INPP5F: variants seen among roughly 807,000 people sequenced by gnomAD.
INPP5F encodes phosphatidylinositide 4-phosphatase SAC2.
INPP5F carries 97 observed loss-of-function variants against 137.2 expected under a neutral mutation model. The ratio of observed to expected loss-of-function variants is 0.71; its 90% CI spans 0.60 to 0.84. The LOEUF is 0.84. Among genes scored for constraint, INPP5F ranks in the 40% least tolerant of loss-of-function variants. INPP5F has a pLI of 0.00. For missense variants in INPP5F, 1,271 were observed against 1,371.9 expected, an observed-to-expected ratio of 0.93 and a Z score of 1.16; for synonymous variants, 504 against 476.9, an observed-to-expected ratio of 1.06 and a Z score of -0.74.
At chr10:119,795,312 C>T (rs1333866832) in intron 6 of INPP5F, among the ~76,000 whole-genome samples, 2 of 152,130 alleles carry the variant, frequency 1.3e-5, no homozygotes, top group African/African-American at 4.8e-5. Context: ...ACGCTCCTCA[C>T]TTCCCAGACG....
At position 119,827,654 on chromosome 10, in the gene INPP5F, T is replaced by C. The variant is rs149854387; in HGVS notation, c.3273T>C (p.His1091=). ...VASITQAGLT[H]GINFAVSKVQ... ...GTATTACCCAAGCTGGATTAACCCA[T>C]GGGATAAACTTTGCAGTGTCAAAAG... The change falls in exon 20 of 20, where the codon CAT becomes CAC. Residue 1091 remains histidine, a synonymous_variant. Coordinates refer to ENST00000650623, the MANE Select transcript of INPP5F (RefSeq NM_014937.4). 4.6e-4 allele frequency: 746 copies of C among 1,614,130 alleles called. 5 individuals carry two copies. In the African/African-American group the frequency reaches 8.8e-3, roughly 19 times the overall value.
chr10:119,763,206 T>C (rs1305246944), intron 2 of INPP5F, among the ~76,000 whole-genome samples: 1 of 152,224 alleles, frequency 6.6e-6, no homozygotes, highest in African/African-American at 2.4e-5. Context: ...TAATCTTCAC[T>C]GAGTCCATGT....
In INPP5F at chr10:119,781,616, T is replaced by C; in HGVS notation, c.179-19T>C. 6.3e-7 allele frequency: 1 copy of C among 1,594,342 alleles called. No individual in the cohort carries two copies. Among genetic ancestry groups the C allele is most frequent in the South Asian group, 1.1e-5 (1 of 87,378 alleles). On this transcript the variant is annotated intron_variant, in intron 2 of 19. Coordinates refer to ENST00000650623, the MANE Select transcript of INPP5F (RefSeq NM_014937.4). ...GCACTCTAAAAACGCCAGACTTTAT[T>C]ATGACTCTCCTCTTTCAGATCTTCC...
rs150966225 is a variant in INPP5F at position 119,803,985 on chromosome 10, A to G, written c.1117-188A>G. The stretch of plus-strand genomic sequence containing the variant: ...TCACAAACTTAAATGTATGTAACAA[A>G]TGAAAATTTTATAGGAAAAAAATTG... On this transcript the variant is annotated intron_variant, in intron 9 of 19. Coordinates refer to ENST00000650623, the MANE Select transcript of INPP5F (RefSeq NM_014937.4). Among the ~76,000 whole-genome samples, 295 of 152,344 alleles carry G rather than the reference A, an allele frequency of 1.9e-3. 1 individual carries two copies. The highest frequency in any genetic ancestry group is 6.8e-3 in the African/African-American group (283 of 41,576).
chr10:119,797,405 C>G, intron 7 of INPP5F, 56 bp from the exon 8 acceptor site: 1 of 1,347,238 alleles, frequency 7.4e-7, no homozygotes, highest in Non-Finnish European at 1.0e-6. Context: ...CATAATCTAG[C>G]CAGACTAAAT....
chr10:119,799,499 T>C (rs1850508064), intron 9 of INPP5F, among the ~76,000 whole-genome samples: 1 of 152,092 alleles, frequency 6.6e-6, no homozygotes, highest in Non-Finnish European at 1.5e-5. Flanking sequence ...TAAATTAATA[T>C]ATAAATTTTG....
rs754293571 is a variant in INPP5F, at chr10:119,820,775, G to A, written c.1887-71G>A. On this transcript the variant is annotated intron_variant, in intron 15 of 19. Transcript: ENST00000650623. ...ATTTTTTGTCCTAAGTAGCTCTGCT[G>A]TAGAAATATGCTTGGCAAAAAATGC... The A allele has an allele frequency of 2.2e-5, 28 of 1,277,956 alleles. No individual in the cohort carries two copies. The Admixed American group carries it at 3.4e-4, about 15-fold the overall frequency. 79.2% of individuals were successfully genotyped at this position (1,277,956 alleles called of 1,614,324 possible).
chr10:119,756,584 C>G (rs1848850275), intron 2 of INPP5F, among the ~76,000 whole-genome samples: 1 of 151,890 alleles, frequency 6.6e-6, no homozygotes, highest in Non-Finnish European at 1.5e-5. Context: ...TGCAGTGAGC[C>G]AAGATCGCAC....
At chr10:119,825,083 C>T (rs1420538190) in intron 19 of INPP5F, among the ~76,000 whole-genome samples, 1 of 152,156 alleles carries the variant, frequency 6.6e-6, no homozygotes, top group African/African-American at 2.4e-5. Flanking sequence ...AGAGAAAATC[C>T]ATGTCAGTGC....
At chr10:119,737,182 T>C (rs1848239562) in intron 1 of INPP5F, among the ~76,000 whole-genome samples, 1 of 152,232 alleles carries the variant, frequency 6.6e-6, no homozygotes, top group African/African-American at 2.4e-5. Context: ...AATATTCTTG[T>C]GGTTACTTTT....
At chr10:119,737,987 G>A (rs1700013184) in intron 1 of INPP5F, among the ~76,000 whole-genome samples, 1 of 152,124 alleles carries the variant, frequency 6.6e-6, no homozygotes, top group South Asian at 2.1e-4. Flanking sequence ...GGCTGAGGGA[G>A]TGCCTTCATT....
chr10:119,796,306 G>T (rs1341010831), intron 6 of INPP5F, among the ~76,000 whole-genome samples: 1 of 152,150 alleles, frequency 6.6e-6, no homozygotes, highest in Non-Finnish European at 1.5e-5. Flanking sequence ...ATTGGGAGTT[G>T]AGAATCATAA....
intron 15 of INPP5F, among the ~76,000 whole-genome samples, chr10:119,813,481 CT>C (rs922216440): frequency 1.7e-4 from 26 of 151,978 alleles, no homozygotes; most frequent in African/African-American, 6.0e-4. Flanking sequence ...TAAAATTAGC[CT>C]GGTATTGTGG....
Position 119,775,168 on chromosome 10 carries a change from CA to C in INPP5F, c.179-6464del, listed in dbSNP as rs200515953. Among the ~76,000 whole-genome samples the C allele has an allele frequency of 8.5e-5, 13 of 152,152 alleles. No individual in the cohort carries two copies. In the East Asian group the frequency reaches 1.2e-3, roughly 14 times the overall value. On this transcript the variant is annotated intron_variant, in intron 2 of 19. Transcript: ENST00000650623. ...GGTTTCCTTAGGGGGAAAAATCAAT[CA>C]AAGAAAAATTTTATATATTTGATTA...
At chr10:119,730,330 G>A (rs1377904530) in intron 1 of INPP5F, among the ~76,000 whole-genome samples, 1 of 152,066 alleles carries the variant, frequency 6.6e-6, no homozygotes, top group African/African-American at 2.4e-5. Flanking sequence ...GGCTGGTCTC[G>A]AACTCCTGAC....
chr10:119,769,346 T>A (rs1049087022), intron 2 of INPP5F, among the ~76,000 whole-genome samples: 2 of 152,164 alleles, frequency 1.3e-5, no homozygotes, highest in Admixed American at 1.3e-4. Context: ...CTGCCCAGGC[T>A]GGTCTCAAAC....
intron 9 of INPP5F, 26 bp downstream of exon 9, chr10:119,798,636 A>G: frequency 6.8e-7 from 1 of 1,478,096 alleles, no homozygotes; most frequent in Non-Finnish European, 9.4e-7. Context: ...CAGTAGTAAA[A>G]TGTTCCTTCA....
At chr10:119,804,432 C>G (rs1850696348) in intron 10 of INPP5F, 135 bp downstream of exon 10, 1 of 757,346 alleles carries the variant, frequency 1.3e-6, no homozygotes, top group Non-Finnish European at 2.0e-6. Flanking sequence ...GGGTATCATT[C>G]ATTTACTTTG....
At chr10:119,804,075 T>C (rs1243176215) in intron 9 of INPP5F, 98 bp from the exon 10 acceptor site, 1 of 844,996 alleles carries the variant, frequency 1.2e-6, no homozygotes, top group Admixed American at 2.8e-5. Context: ...TTCCAAATTA[T>C]TAAAAACCAC....
Sources: allele counts gnomAD v4.1 joint callset (sites outside exome capture counted in the v4.1 genomes callset), GRCh38; gene constraint gnomAD v4.1.1; transcripts MANE v1.5; gene names NCBI Gene and HGNC (gene_info 2026-07-23, HGNC 2026-07-21).